The following CDK12 variants were observed in gnomAD, a reference collection of about 807,000 sequenced individuals.
The protein encoded by CDK12 is cyclin-dependent kinase 12.
In CDK12, 17 loss-of-function variants were observed where a neutral mutation model predicts 133.8. The observed-to-expected ratio is 0.13, with a 90% CI of 0.09 to 0.19. CDK12 has a LOEUF of 0.19. Among genes scored for constraint, CDK12 ranks in the 10% least tolerant of loss-of-function variants. The pLI is 1.00. For synonymous variants in CDK12, 694 were observed against 683.6 expected, an observed-to-expected ratio of 1.02 and a Z score of -0.24; for missense variants, 1,508 against 1,818.7, an observed-to-expected ratio of 0.83 and a Z score of 3.11.
chr17:39,500,930 T>C (rs1270485673), intron 5 of CDK12, among the ~76,000 whole-genome samples: 1 of 151,644 alleles, frequency 6.6e-6, no homozygotes, highest in Non-Finnish European at 1.5e-5. Context: ...TGAGGTTTCA[T>C]TCACCATGTT....
At chr17:39,468,077 G>A (rs1009981329) in intron 1 of CDK12, among the ~76,000 whole-genome samples, 1 of 150,648 alleles carries the variant, frequency 6.6e-6, no homozygotes, top group African/African-American at 2.4e-5. Flanking sequence ...TGTATTTTTA[G>A]TAGAGCTGGG....
chr17:39,534,207 A>C lies in CDK12; in HGVS notation c.*2891A>C, dbSNP rs2055026579. 4.3e-6 allele frequency: 1 copy of C among 232,896 alleles called. No homozygotes were observed. Among genetic ancestry groups the C allele is most frequent in the African/African-American group, 2.2e-5 (1 of 45,334 alleles). The allele number at this position is 232,896 out of a possible 1,614,324, so 14.4% of individuals were successfully genotyped here. ...TCTATACGTTTAAAGCAGGGCAGTT[A>C]GCACAAATTTGCAAGTAGAACTTCT... On this transcript the variant is annotated 3_prime_UTR_variant, in exon 14 of 14. Transcript: ENST00000447079.
chr17:39,529,624 C>T (rs2054705439), intron 13 of CDK12, among the ~76,000 whole-genome samples: 1 of 152,112 alleles, frequency 6.6e-6, no homozygotes, highest in Non-Finnish European at 1.5e-5. Context: ...TTTTACATCT[C>T]TCCTCTCCTG....
intron 13 of CDK12, among the ~76,000 whole-genome samples, chr17:39,527,862 A>T (rs1427532186): frequency 6.8e-6 from 1 of 147,410 alleles, no homozygotes; most frequent in Non-Finnish European, 1.5e-5. Flanking sequence ...TTTTAAATTT[A>T]TTTTTACATT....
At position 39,461,668 on chromosome 17, in the gene CDK12, G is replaced by C. The variant is rs532491020; in HGVS notation, c.-404G>C. On this transcript the variant is annotated 5_prime_UTR_variant, in exon 1 of 14. Coordinates refer to ENST00000447079, the MANE Select transcript of CDK12 (RefSeq NM_016507.4). ...GAAGCCGTCCTGAACCGGGCTACCG[G>C]GTAGGGGAAGGGCCCGCGTAGTCCT... 1 of 288,316 alleles carries C rather than the reference G, an allele frequency of 3.5e-6. No individual in the cohort carries two copies. Among genetic ancestry groups the C allele is most frequent in the Non-Finnish European group, 6.6e-6 (1 of 150,616 alleles). The allele number at this position is 288,316 out of a possible 1,614,324, so 17.9% of individuals were successfully genotyped here.
At chr17:39,518,792 C>T (rs2053975141) in intron 10 of CDK12, among the ~76,000 whole-genome samples, 1 of 152,096 alleles carries the variant, frequency 6.6e-6, no homozygotes, top group South Asian at 2.1e-4. Flanking sequence ...CTCCTGACCT[C>T]AAGTGATCTG....
intron 6 of CDK12, among the ~76,000 whole-genome samples, chr17:39,508,858 A>G (rs1567754985): frequency 6.6e-6 from 1 of 151,800 alleles, no homozygotes; most frequent in East Asian, 1.9e-4. Flanking sequence ...AGCTGGACAT[A>G]TTGGTGCACA....
chr17:39,536,569 G>T (rs2055144188), downstream of CDK12, among the ~76,000 whole-genome samples: 1 of 152,162 alleles, frequency 6.6e-6, no homozygotes. Context: ...TCCTGAGATT[G>T]TTGCTTTTGC....
intron 2 of CDK12, among the ~76,000 whole-genome samples, chr17:39,474,781 C>CTTTTTTT (rs893347738): frequency 7.4e-5 from 7 of 94,104 alleles, no homozygotes; most frequent in African/African-American, 2.7e-4. Flanking sequence ...ATGATGTTTC[C>CTTTTTTT]TTTTTTTTTT....
At chr17:39,466,799 T>C (rs1166987609) in intron 1 of CDK12, among the ~76,000 whole-genome samples, 1 of 151,888 alleles carries the variant, frequency 6.6e-6, no homozygotes, top group Non-Finnish European at 1.5e-5. Flanking sequence ...AGTTGGCTTA[T>C]AGAGAGCATT....
At chr17:39,495,384 GTTTTTTTTTTT>G (rs60185847) in intron 5 of CDK12, among the ~76,000 whole-genome samples, 1 of 110,694 alleles carries the variant, frequency 9.0e-6, no homozygotes, top group Non-Finnish European at 1.8e-5. Context: ...GGCCTCATGT[GTTTTTTTTTTT>G]TTTTTTTTTT....
At chr17:39,539,641 G>A (rs2055314831) in intron 1 of CDK12, among the ~76,000 whole-genome samples, 1 of 152,212 alleles carries the variant, frequency 6.6e-6, no homozygotes, top group Non-Finnish European at 1.5e-5. Context: ...AAGCTTCTGG[G>A]TCTTGTGAGA....
At chr17:39,477,576 T>TA (rs201167996) in intron 2 of CDK12, among the ~76,000 whole-genome samples, 130 of 133,738 alleles carry the variant, frequency 9.7e-4, no homozygotes, top group African/African-American at 4.3e-3. Flanking sequence ...TATTATTTAT[T>TA]TTTTTTTTTT....
intron 10 of CDK12, among the ~76,000 whole-genome samples, chr17:39,518,893 A>G (rs2053982437): frequency 6.6e-6 from 1 of 151,944 alleles, no homozygotes; most frequent in Non-Finnish European, 1.5e-5. Flanking sequence ...GTGTTATAGC[A>G]CAGCATTTCT....
At chr17:39,559,409 A>T (rs1483390934) in intron 3 of CDK12, among the ~76,000 whole-genome samples, 1 of 152,160 alleles carries the variant, frequency 6.6e-6, no homozygotes, top group East Asian at 1.9e-4. Context: ...TGTATCCACC[A>T]CTACAGTCAA....
At chr17:39,544,121 A>G, upstream of CDK12, 1 of 451,508 alleles carries the variant, frequency 2.2e-6, no homozygotes, top group South Asian at 1.6e-5. Context: ...TGAAGGAGTT[A>G]GAAGAGTGCT....
At chr17:39,481,002 C>T (rs2050598885) in intron 2 of CDK12, among the ~76,000 whole-genome samples, 1 of 151,836 alleles carries the variant, frequency 6.6e-6, no homozygotes. Flanking sequence ...GCCTGTAATC[C>T]CAGCACTTTG....
chr17:39,512,485 CAACAA>C (rs947767244), intron 8 of CDK12, among the ~76,000 whole-genome samples: 1 of 152,134 alleles, frequency 6.6e-6, no homozygotes, highest in Non-Finnish European at 1.5e-5. Flanking sequence ...AATTTTGAAA[CAACAA>C]AACAAAACAA....
Position 39,501,456 on chromosome 17 carries a change from A to G in CDK12, c.2609+17A>G, listed in dbSNP as rs370193042. The G allele has an allele frequency of 1.7e-5, 27 of 1,573,770 alleles. No individual in the cohort carries two copies. In the African/African-American group the frequency reaches 2.8e-4, roughly 17 times the overall value. On this transcript the variant is annotated intron_variant, in intron 6 of 13. Coordinates refer to ENST00000447079, the MANE Select transcript of CDK12 (RefSeq NM_016507.4). ...GAATAACAGGTAACATAGTAACCAA[A>G]TAAGATTAAGCACTTTCCTCTTCTC...
Sources: gnomAD v4.1 joint callset for allele counts (sites outside exome capture counted in the v4.1 genomes callset) on GRCh38, gnomAD v4.1.1 for gene constraint, MANE v1.5 for transcripts, NCBI Gene and HGNC (gene_info 2026-07-23, HGNC 2026-07-21) for gene names.